The following DNAH9 variants were observed in gnomAD, a reference collection of about 807,000 sequenced individuals.
DNAH9 encodes the protein DNAH9 variant protein.
In DNAH9, 345 loss-of-function variants were observed where a neutral mutation model predicts 471.6. The observed-to-expected ratio is 0.73, with a 90% CI of 0.67 to 0.80. DNAH9 has a LOEUF of 0.80. DNAH9 is among the 30% of genes least tolerant of loss of function. DNAH9 has a pLI of 0.00. For missense variants in DNAH9, 5,407 were observed against 5,609.2 expected (o/e 0.96, Z 1.15); for synonymous variants, 2,093 against 2,123.6 (o/e 0.99, Z 0.40).
intron 22 of DNAH9, among the ~76,000 whole-genome samples, chr17:11,695,611 A>G (rs1171123853): frequency 6.6e-6 from 1 of 152,216 alleles, no homozygotes; most frequent in Non-Finnish European, 1.5e-5. Flanking sequence ...TAAAGTAACT[A>G]ATTGAAGCAG....
chr17:11,814,128 A>T (rs573999347), intron 45 of DNAH9, among the ~76,000 whole-genome samples: 1 of 152,190 alleles, frequency 6.6e-6, no homozygotes, highest in Non-Finnish European at 1.5e-5. Context: ...AGGAATGTGC[A>T]CTGATCATCA....
At chr17:11,815,027 AC>A (rs1378109135) in intron 45 of DNAH9, among the ~76,000 whole-genome samples, 1 of 152,080 alleles carries the variant, frequency 6.6e-6, no homozygotes, top group Non-Finnish European at 1.5e-5. Flanking sequence ...TCTAAGACAT[AC>A]TTAGTGGACT....
chr17:11,604,617 T>C (rs2072460284), intron 1 of DNAH9, among the ~76,000 whole-genome samples: 1 of 152,196 alleles, frequency 6.6e-6, no homozygotes, highest in African/African-American at 2.4e-5. Context: ...TTACTCCACC[T>C]TTACTCCTCC....
intron 49 of DNAH9, among the ~76,000 whole-genome samples, chr17:11,843,136 A>G (rs1194594104): frequency 6.6e-6 from 1 of 152,220 alleles, no homozygotes; most frequent in Non-Finnish European, 1.5e-5. Context: ...AAGTGCAATG[A>G]CAGCTCCCTT....
At chr17:11,942,571 C>T in intron 67 of DNAH9, 86 bp downstream of exon 67, 1 of 1,412,252 alleles carries the variant, frequency 7.1e-7, no homozygotes, top group Non-Finnish European at 9.5e-7. Flanking sequence ...ACTGGGGGAC[C>T]TGAAAGCTGG....
chr17:11,903,855 G>A (rs1376672424), intron 60 of DNAH9, among the ~76,000 whole-genome samples: 1 of 151,968 alleles, frequency 6.6e-6, no homozygotes, highest in East Asian at 1.9e-4. Flanking sequence ...AGGTTGCAGT[G>A]AGCCAAGATT....
chr17:11,810,779 T>C (rs1174730286), intron 45 of DNAH9, among the ~76,000 whole-genome samples: 1 of 152,182 alleles, frequency 6.6e-6, no homozygotes, highest in Non-Finnish European at 1.5e-5. Flanking sequence ...AGCATGAGCA[T>C]GCACGCGTAA....
chr17:11,815,637 A>G (rs1053437680), intron 45 of DNAH9, among the ~76,000 whole-genome samples: 1 of 152,116 alleles, frequency 6.6e-6, no homozygotes, highest in Non-Finnish European at 1.5e-5. Context: ...AAAAGTACAA[A>G]GAGTATCGGG....
chr17:11,824,981 C>CT (rs144973506), intron 48 of DNAH9, among the ~76,000 whole-genome samples: 8 of 149,810 alleles, frequency 5.3e-5, no homozygotes, highest in African/African-American at 9.8e-5. Flanking sequence ...TTATATAGAC[C>CT]TTTTTTTTTC....
At chr17:11,837,565 T>C (rs1170685563) in intron 49 of DNAH9, among the ~76,000 whole-genome samples, 1 of 152,236 alleles carries the variant, frequency 6.6e-6, no homozygotes, top group Non-Finnish European at 1.5e-5. Flanking sequence ...CCTTGGACTA[T>C]GGCAATAGCC....
chr17:11,709,120 G>A (rs1300136577), intron 26 of DNAH9, among the ~76,000 whole-genome samples: 1 of 152,162 alleles, frequency 6.6e-6, no homozygotes, highest in African/African-American at 2.4e-5. Flanking sequence ...GGATTTAGAG[G>A]TCTCTAGTAT....
chr17:11,632,785 C>A lies in DNAH9; in HGVS notation c.1635+82C>A, dbSNP rs9897667. 0.02 allele frequency: 13,514 copies of A among 675,140 alleles called. 442 individuals are homozygous for A. Among genetic ancestry groups the A allele is most frequent in the South Asian group, 0.098 (5,116 of 52,436 alleles). The allele number at this position is 675,140 out of a possible 1,614,324, so 41.8% of individuals were successfully genotyped here. A position where few individuals can be genotyped will look rare whatever the true frequency, so the allele number is the denominator to read the frequency against. On this transcript the variant is annotated intron_variant, in intron 8 of 68. Transcript: ENST00000262442. ...AGAGGATGATATGGATACCTTTCCA[C>A]CTGTTCTGTTCCTGCAACTATTAAT...
chr17:11,870,395 G>C (rs1277411545), intron 51 of DNAH9, among the ~76,000 whole-genome samples: 1 of 152,214 alleles, frequency 6.6e-6, no homozygotes, highest in Non-Finnish European at 1.5e-5. Context: ...CTCCTCACCA[G>C]TGAAGGGAAG....
intron 43 of DNAH9, among the ~76,000 whole-genome samples, chr17:11,799,646 G>A (rs879837102): frequency 5.9e-5 from 9 of 151,988 alleles, no homozygotes; most frequent in Non-Finnish European, 1.0e-4. Context: ...AAGTGCAGTG[G>A]TGCGATCTCA....
chr17:11,642,818 C>A (rs981410928), intron 10 of DNAH9, among the ~76,000 whole-genome samples: 3 of 151,346 alleles, frequency 2.0e-5, no homozygotes, highest in Admixed American at 2.0e-4. Flanking sequence ...AGCGCCCATT[C>A]GGGCTGGAGC....
At chr17:11,674,700 A>T (rs2074023644) in intron 17 of DNAH9, among the ~76,000 whole-genome samples, 1 of 152,088 alleles carries the variant, frequency 6.6e-6, no homozygotes, top group Non-Finnish European at 1.5e-5. Flanking sequence ...GTGTGGCCAA[A>T]TGTGTCCAAC....
intron 28 of DNAH9, among the ~76,000 whole-genome samples, chr17:11,737,177 A>G (rs867576355): frequency 3.3e-5 from 5 of 152,356 alleles, no homozygotes; most frequent in South Asian, 2.1e-4. Flanking sequence ...CTCAGTTTCA[A>G]ACTAATTGCT....
chr17:11,670,832 T>C (rs1231706078), intron 17 of DNAH9, among the ~76,000 whole-genome samples: 1 of 152,012 alleles, frequency 6.6e-6, no homozygotes, highest in Non-Finnish European at 1.5e-5. Context: ...GCATCCTAAG[T>C]AGCTGAGATT....
At chr17:11,699,482 G>A (rs772518486) in intron 22 of DNAH9, among the ~76,000 whole-genome samples, 9 of 152,152 alleles carry the variant, frequency 5.9e-5, no homozygotes, top group Non-Finnish European at 1.3e-4. Context: ...TCAAACCATT[G>A]TGACTTAGTT....
Sources: gnomAD v4.1 joint callset for allele counts (sites outside exome capture counted in the v4.1 genomes callset) on GRCh38, gnomAD v4.1.1 for gene constraint, MANE v1.5 for transcripts, NCBI Gene and HGNC (gene_info 2026-07-23, HGNC 2026-07-21) for gene names.